The following COL8A1 variants were observed in gnomAD, a reference collection of about 807,000 sequenced individuals.
COL8A1 encodes collagen alpha-1(VIII) chain.
A neutral mutation model predicts 42.7 loss-of-function variants in COL8A1; 21 were observed. The ratio of observed to expected loss-of-function variants is 0.49; its 90% CI spans 0.35 to 0.71. COL8A1 has a LOEUF of 0.71. Ranked by LOEUF, COL8A1 falls within the 30% of genes least tolerant of loss-of-function variation. COL8A1 has a pLI of 0.01. For synonymous variants in COL8A1, 367 were observed against 369.1 expected, an observed-to-expected ratio of 0.99 and a Z score of 0.06; for missense variants, 788 against 962.4, an observed-to-expected ratio of 0.82 and a Z score of 2.40.
At chr3:99,693,948 CTA>C (rs1476194713) in intron 1 of COL8A1, among the ~76,000 whole-genome samples, 1 of 152,128 alleles carries the variant, frequency 6.6e-6, no homozygotes, top group Admixed American at 6.5e-5. Flanking sequence ...TGTAGCTTTT[CTA>C]TGTTTAGATA....
chr3:99,773,546 T>C (rs1302529021), intron 2 of COL8A1, among the ~76,000 whole-genome samples: 1 of 152,016 alleles, frequency 6.6e-6, no homozygotes, highest in South Asian at 2.1e-4. Context: ...AAACTAACTT[T>C]GTATTAACTT....
At chr3:99,734,142 T>C (rs908344866) in intron 1 of COL8A1, among the ~76,000 whole-genome samples, 4 of 151,498 alleles carry the variant, frequency 2.6e-5, no homozygotes, top group Non-Finnish European at 4.4e-5. Context: ...GTGCAGAAGC[T>C]CTTTAGTTTA....
chr3:99,655,794 T>A (rs1937999252), intron 1 of COL8A1, among the ~76,000 whole-genome samples: 1 of 152,182 alleles, frequency 6.6e-6, no homozygotes, highest in Non-Finnish European at 1.5e-5. Flanking sequence ...ACTTCATGAA[T>A]AATGTTAACA....
intron 2 of COL8A1, among the ~76,000 whole-genome samples, chr3:99,751,358 G>C (rs1166572107): frequency 1.3e-5 from 2 of 152,152 alleles, no homozygotes; most frequent in Non-Finnish European, 2.9e-5. Flanking sequence ...AGGAGTTTGA[G>C]ACCAGCCTGG....
chr3:99,689,551 T>A lies in COL8A1; in HGVS notation c.-129+50887T>A, dbSNP rs925297949. ...TCCCAAGCTTTAGTCATTTGTACAC[T>A]TCTTTTCATAATTTTTGCCATTATT... On this transcript the variant is annotated intron_variant, in intron 1 of 3. Coordinates refer to ENST00000652472, the MANE Select transcript of COL8A1 (RefSeq NM_020351.4). Among the ~76,000 whole-genome samples, 42 of 152,234 alleles carry A rather than the reference T, an allele frequency of 2.8e-4. 1 individual carries two copies. Among genetic ancestry groups the A allele is most frequent in the Admixed American group, 1.9e-3 (29 of 15,280 alleles).
intron 2 of COL8A1, among the ~76,000 whole-genome samples, chr3:99,788,095 G>A (rs1489617382): frequency 2.0e-5 from 3 of 152,158 alleles, no homozygotes; most frequent in Non-Finnish European, 4.4e-5. Flanking sequence ...TGATTTGGGA[G>A]AACCCCCATA....
At chr3:99,640,425 G>T (rs1320383418) in intron 1 of COL8A1, among the ~76,000 whole-genome samples, 1 of 152,168 alleles carries the variant, frequency 6.6e-6, no homozygotes, top group East Asian at 1.9e-4. Context: ...TCACAAGGAT[G>T]AAAATACGCT....
Position 99,681,305 on chromosome 3 carries a change from A to G in COL8A1, c.-129+42641A>G, listed in dbSNP as rs149836071. ...AACAAATTTACAAGAAAAAAAATCA[A>G]ACAACCCCATCAAAAAGTGGGCGAA... is the stretch of plus-strand genomic sequence containing the variant. On this transcript the variant is annotated intron_variant, in intron 1 of 3. Transcript: ENST00000652472. 3.2e-3 allele frequency among the ~76,000 whole-genome samples: 483 copies of G among 152,304 alleles called. 1 individual carries two copies. The highest frequency in any genetic ancestry group is 0.011 in the African/African-American group (475 of 41,574).
chr3:99,705,537 C>T lies in COL8A1; in HGVS notation c.-128-39360C>T, dbSNP rs139323562. The stretch of plus-strand genomic sequence containing the variant: ...ATTTATTTCTCTCCCTTTCTTTGTA[C>T]TTGAATTATTTGCATGCTAAGAAAG... On this transcript the variant is annotated intron_variant, in intron 1 of 3. Coordinates refer to ENST00000652472, the MANE Select transcript of COL8A1 (RefSeq NM_020351.4). Among the ~76,000 whole-genome samples the T allele has an allele frequency of 3.2e-3, 488 of 152,274 alleles. 6 individuals carry two copies. The highest frequency in any genetic ancestry group is 0.011 in the African/African-American group (459 of 41,562).
chr3:99,663,376 C>T (rs1345239962), intron 1 of COL8A1, among the ~76,000 whole-genome samples: 2 of 152,136 alleles, frequency 1.3e-5, no homozygotes, highest in African/African-American at 4.8e-5. Flanking sequence ...GGCTCACTCC[C>T]TTTGCTGTTT....
At chr3:99,748,865 T>C (rs1264893887) in intron 2 of COL8A1, among the ~76,000 whole-genome samples, 3 of 152,220 alleles carry the variant, frequency 2.0e-5, no homozygotes, top group Non-Finnish European at 2.9e-5. Flanking sequence ...CGTTGAATAC[T>C]TGAGAGACTT....
chr3:99,699,704 C>T (rs1016121772), intron 1 of COL8A1, among the ~76,000 whole-genome samples: 1 of 152,088 alleles, frequency 6.6e-6, no homozygotes, highest in East Asian at 1.9e-4. Context: ...GGGAAAAAAC[C>T]GAGCTAAAAC....
chr3:99,759,072 G>A (rs1008389969), intron 2 of COL8A1, among the ~76,000 whole-genome samples: 7 of 148,784 alleles, frequency 4.7e-5, no homozygotes, highest in African/African-American at 7.4e-5. Context: ...AAGTTGCATC[G>A]ATCCTACTCC....
At chr3:99,790,646 T>G in intron 2 of COL8A1, 34 bp from the exon 3 acceptor site, 1 of 1,586,752 alleles carries the variant, frequency 6.3e-7, no homozygotes, top group Non-Finnish European at 8.6e-7. Context: ...CCTTGCAGAG[T>G]TTCACCAAGT....
chr3:99,671,048 T>C (rs1365500499), intron 1 of COL8A1, among the ~76,000 whole-genome samples: 1 of 151,814 alleles, frequency 6.6e-6, no homozygotes, highest in Non-Finnish European at 1.5e-5. Flanking sequence ...AACTCCTTTC[T>C]GCAAATTCTC....
At chr3:99,720,601 G>A (rs1055505917) in intron 1 of COL8A1, among the ~76,000 whole-genome samples, 4 of 152,056 alleles carry the variant, frequency 2.6e-5, no homozygotes, top group Admixed American at 6.6e-5. Flanking sequence ...TCACCAAAAG[G>A]CAGCCTTTCA....
rs568236354 is a variant in COL8A1 at position 99,734,285 on chromosome 3, C to T, written c.-128-10612C>T. On this transcript the variant is annotated intron_variant, in intron 1 of 3. Coordinates refer to ENST00000652472, the MANE Select transcript of COL8A1 (RefSeq NM_020351.4). ...TTCTAGGGTTTTTAGGGTTTTAGGT[C>T]TAACATTTAAGTCTTCAATCCATCT... 1.4e-5 allele frequency among the ~76,000 whole-genome samples: 2 copies of T among 139,704 alleles called. 1 individual carries two copies. The highest frequency in any genetic ancestry group is 5.8e-5 in the African/African-American group (2 of 34,516). The allele number at this position is 139,704 out of a possible 152,430, so 91.7% of individuals were successfully genotyped here.
intron 1 of COL8A1, among the ~76,000 whole-genome samples, chr3:99,655,235 A>G (rs962323753): frequency 1.8e-4 from 28 of 152,260 alleles, no homozygotes; most frequent in African/African-American, 6.0e-4. Flanking sequence ...GCTCTCACTC[A>G]AGGACTGTCA....
At chr3:99,674,821 G>T (rs1022525058) in intron 1 of COL8A1, among the ~76,000 whole-genome samples, 1 of 152,022 alleles carries the variant, frequency 6.6e-6, no homozygotes, top group Non-Finnish European at 1.5e-5. Flanking sequence ...CTTATTTATT[G>T]AATAATGATA....
Sources: allele counts gnomAD v4.1 joint callset (sites outside exome capture counted in the v4.1 genomes callset), GRCh38; gene constraint gnomAD v4.1.1; transcripts MANE v1.5; gene names NCBI Gene and HGNC (gene_info 2026-07-23, HGNC 2026-07-21).